GLYR1: variants seen among roughly 807,000 people sequenced by gnomAD.
GLYR1 encodes cytokine-like nuclear factor N-PAC.
GLYR1 carries 21 observed loss-of-function variants against 72.7 expected under a neutral mutation model. The ratio of observed to expected loss-of-function variants is 0.29; its 90% CI spans 0.20 to 0.42. GLYR1 has a LOEUF of 0.42. GLYR1 is among the 10% of genes least tolerant of loss of function. GLYR1 has a pLI of 1.00. For missense variants in GLYR1, 594 were observed against 712.1 expected (o/e 0.83, Z 1.89); for synonymous variants, 392 against 270.2 (o/e 1.45, Z -4.42).
rs753907173 is a variant in GLYR1, at chr16:4,811,764, T to G, written c.1321A>C (p.Asn441His). ...GNAAKMMLIV[N>H]MVQGSFMATI... is the part of the protein sequence containing the mutation. ...GCCATGAAGCTCCCTTGGACCATGT[T>G]CACGATCAGCATCATCTTGGCTGCA... The change falls in exon 14 of 16, where the codon AAC (asparagine) becomes CAC (histidine). Residue 441 changes from asparagine (N) to histidine (H), a missense_variant. By Grantham distance (68) the Asn-to-His change is moderately conservative. This residue lies in a region of GLYR1 where 266 missense variants were observed against 358.4 expected (regional missense o/e 0.74). Coordinates refer to ENST00000321919, the MANE Select transcript of GLYR1 (RefSeq NM_032569.4). The G allele has an allele frequency of 6.2e-7, 1 of 1,614,028 alleles. No homozygotes were observed. The highest frequency in any genetic ancestry group is 1.1e-5 in the South Asian group (1 of 91,038).
chr16:4,844,303 AG>A lies in GLYR1; in HGVS notation c.155+770del, dbSNP rs563976583. 2.6e-3 allele frequency among the ~76,000 whole-genome samples: 396 copies of A among 152,324 alleles called. 2 individuals carry two copies. The highest frequency in any genetic ancestry group is 9.2e-3 in the African/African-American group (383 of 41,560). ...GGTCCTGGTTTCCCCAACTTAGGAC[AG>A]ATCTGGTAAAAAGACTTACTATAAC... On this transcript the variant is annotated intron_variant, in intron 3 of 15. Transcript: ENST00000321919.
intron 9 of GLYR1, chr16:4,817,962 G>C: frequency 2.6e-6 from 1 of 379,542 alleles, no homozygotes; most frequent in Non-Finnish European, 4.8e-6. Context: ...GATGTGTATG[G>C]TTCAGGGCCA....
chr16:4,806,359 CTT>C (rs920747571), intron 15 of GLYR1, among the ~76,000 whole-genome samples: 14 of 146,904 alleles, frequency 9.5e-5, no homozygotes, highest in African/African-American at 3.5e-4. Context: ...GATTAACTGT[CTT>C]TTTTTTTTTT....
Position 4,812,195 on chromosome 16 carries a change from C to T in GLYR1, c.1173G>A (p.Gln391=), listed in dbSNP as rs144400731. The T allele has an allele frequency of 3.4e-4, 545 of 1,614,150 alleles. 1 individual carries two copies. Among genetic ancestry groups the T allele is most frequent in the South Asian group, 7.9e-4 (72 of 91,092 alleles). Residue 391 remains glutamine, a synonymous_variant, in exon 13 of 16, where the codon CAG becomes CAA. Transcript: ENST00000321919. ...CCAACATCCCGTCATTAGACAGCTG[C>T]TGATTCCCTGAGACGGGGGCTTCCA... is the stretch of plus-strand genomic sequence containing the variant. ...RFLEAPVSGN[Q]QLSNDGMLVI...
In GLYR1 at chr16:4,807,457, A is replaced by G. The variant is rs542240240; in HGVS notation, c.1588-2147T>C. ...GAAAGTAAGAAAGGAGGAACAAACA[A>G]AAGACAAAGACAACGAACAGAAATC... is the stretch of plus-strand genomic sequence containing the variant. On this transcript the variant is annotated intron_variant, in intron 15 of 15. Coordinates refer to ENST00000321919, the MANE Select transcript of GLYR1 (RefSeq NM_032569.4). Among the ~76,000 whole-genome samples the G allele has an allele frequency of 5.9e-5, 9 of 152,266 alleles. No individual in the cohort carries two copies. In the East Asian group the frequency reaches 1.7e-3, roughly 29 times the overall value.
intron 3 of GLYR1, among the ~76,000 whole-genome samples, chr16:4,841,683 A>G (rs1351372308): frequency 6.6e-6 from 1 of 152,016 alleles, no homozygotes; most frequent in African/African-American, 2.4e-5. Flanking sequence ...AACAAAAAAC[A>G]TAAGGAAACA....
chr16:4,807,675 G>T (rs547268962), intron 15 of GLYR1, among the ~76,000 whole-genome samples: 1 of 152,296 alleles, frequency 6.6e-6, no homozygotes, highest in African/African-American at 2.4e-5. Context: ...CCAAGCCAAT[G>T]AATCCTGTAG....
rs559620919 is a variant in GLYR1 at position 4,832,568 on chromosome 16, T to C, written c.294+206A>G. ...TTCTCCTGGGTCCAAGCAATTTTCC[T>C]AAAAGCAACAACCTACTCCAGAAAG... On this transcript the variant is annotated intron_variant, in intron 4 of 15. Coordinates refer to ENST00000321919, the MANE Select transcript of GLYR1 (RefSeq NM_032569.4). 1.4e-5 allele frequency: 9 copies of C among 638,530 alleles called. No individual in the cohort carries two copies. In the South Asian group the frequency reaches 2.2e-4, roughly 16 times the overall value. 39.6% of individuals were successfully genotyped at this position (638,530 alleles called of 1,614,324 possible).
At chr16:4,819,064 G>A (rs1000965675) in intron 9 of GLYR1, among the ~76,000 whole-genome samples, 1 of 152,184 alleles carries the variant, frequency 6.6e-6, no homozygotes, top group Non-Finnish European at 1.5e-5. Context: ...GTCTTTTCTT[G>A]ATTCTTGTAC....
intron 15 of GLYR1, among the ~76,000 whole-genome samples, chr16:4,808,511 T>A (rs2083131506): frequency 6.6e-6 from 1 of 151,952 alleles, no homozygotes; most frequent in African/African-American, 2.4e-5. Context: ...GGCAGGAGAA[T>A]CACTTGAACC....
Position 4,804,025 on chromosome 16 carries a change from C to G in GLYR1, c.*1211G>C, listed in dbSNP as rs1298487414. The G allele has an allele frequency of 6.6e-6, 1 of 152,282 alleles. No homozygotes were observed. The highest frequency in any genetic ancestry group is 1.5e-5 in the Non-Finnish European group (1 of 68,120). 9.4% of individuals were successfully genotyped at this position (152,282 alleles called of 1,614,324 possible). ...GTTCAGGTAGGTCAGGCCCAGTTCT[C>G]TTCCCTCCCGACAGACCCCGGGCCC... On this transcript the variant is annotated 3_prime_UTR_variant, in exon 16 of 16. Transcript: ENST00000321919.
At chr16:4,820,321 A>G (rs1369698569) in intron 9 of GLYR1, among the ~76,000 whole-genome samples, 1 of 152,164 alleles carries the variant, frequency 6.6e-6, no homozygotes, top group East Asian at 1.9e-4. Context: ...GGCAACTGAG[A>G]GTCCTTCACA....
intron 13 of GLYR1, 22 bp from the exon 14 acceptor site, chr16:4,811,824 G>A (rs144342530): frequency 1.7e-5 from 27 of 1,602,636 alleles, no homozygotes; most frequent in Non-Finnish European, 2.1e-5. Flanking sequence ...AAAGACTCAC[G>A]GTCACAGCCC....
chr16:4,841,299 G>A (rs948396044), intron 3 of GLYR1, among the ~76,000 whole-genome samples: 1 of 151,662 alleles, frequency 6.6e-6, no homozygotes, highest in Non-Finnish European at 1.5e-5. Context: ...AAGGATCACA[G>A]TTTATTAATC....
chr16:4,813,050 C>T (rs1311521107), intron 12 of GLYR1, among the ~76,000 whole-genome samples: 1 of 151,904 alleles, frequency 6.6e-6, no homozygotes, highest in African/African-American at 2.4e-5. Context: ...GCAAGCTCCG[C>T]CTCCTGGGTT....
At chr16:4,811,052 C>A in intron 15 of GLYR1, 118 bp downstream of exon 15, 2 of 1,292,276 alleles carry the variant, frequency 1.5e-6, no homozygotes, top group South Asian at 1.5e-5. Flanking sequence ...TTGCATTGAG[C>A]TGAGATCGCA....
At chr16:4,840,820 T>C (rs1229331551) in intron 3 of GLYR1, among the ~76,000 whole-genome samples, 1 of 152,206 alleles carries the variant, frequency 6.6e-6, no homozygotes, top group African/African-American at 2.4e-5. Context: ...TCCAGAGCTC[T>C]TTCCCCAAAG....
intron 5 of GLYR1, among the ~76,000 whole-genome samples, chr16:4,830,904 C>T (rs2084755503): frequency 6.6e-6 from 1 of 152,138 alleles, no homozygotes; most frequent in African/African-American, 2.4e-5. Flanking sequence ...GAAACAAACC[C>T]ATTCCACTGC....
intron 1 of GLYR1, 28 bp downstream of exon 1, chr16:4,847,200 C>G (rs764094113): frequency 1.9e-6 from 3 of 1,594,090 alleles, no homozygotes; most frequent in South Asian, 2.2e-5. Context: ...CCCGGCGCGT[C>G]TCGGTTGGCC....
Sources: allele counts gnomAD v4.1 joint callset (sites outside exome capture counted in the v4.1 genomes callset), GRCh38; gene constraint gnomAD v4.1.1; regional missense constraint gnomAD v4.1.1; transcripts MANE v1.5; gene names NCBI Gene and HGNC (gene_info 2026-07-23, HGNC 2026-07-21).